CEP128: variants seen among roughly 807,000 people sequenced by gnomAD.
The protein encoded by CEP128 is centrosomal protein 128, also known as centrosomal protein 128kDa.
A neutral mutation model predicts 156.7 loss-of-function variants in CEP128; 132 were observed. That is an observed-to-expected ratio of 0.84 (90% CI 0.73 to 0.97). CEP128 has a LOEUF of 0.97. Among genes scored for constraint, CEP128 ranks in the 50% least tolerant of loss-of-function variants. CEP128 has a pLI of 0.00. For synonymous variants in CEP128, 469 were observed against 448.9 expected, an observed-to-expected ratio of 1.04 and a Z score of -0.57; for missense variants, 1,252 against 1,281.9, an observed-to-expected ratio of 0.98 and a Z score of 0.36.
chr14:80,929,963 T>C (rs1008883764), intron 2 of CEP128, among the ~76,000 whole-genome samples: 1 of 152,192 alleles, frequency 6.6e-6, no homozygotes, highest in African/African-American at 2.4e-5. Flanking sequence ...CAAAGTTTCA[T>C]CTGTATTTAC....
rs371474071 is a variant in CEP128, at chr14:80,722,990, C to A, written c.2806+20085G>T. ...TACAGGCACCCGCCACCACACCTGG[C>A]TAATTTTTTGTATTTTTAGTAGAGA... On this transcript the variant is annotated intron_variant, in intron 19 of 24. Coordinates refer to ENST00000555265, the MANE Select transcript of CEP128 (RefSeq NM_152446.5). 3.9e-5 allele frequency among the ~76,000 whole-genome samples: 6 copies of A among 152,096 alleles called. No individual in the cohort carries two copies. The East Asian group carries it at 5.8e-4, about 15-fold the overall frequency.
chr14:80,900,033 G>GGTTTT lies in CEP128; in HGVS notation c.481-5_481-4insAAAAC. On this transcript the variant is annotated splice_region_variant and splice_polypyrimidine_tract_variant and intron_variant, in intron 6 of 24. Coordinates refer to ENST00000555265, the MANE Select transcript of CEP128 (RefSeq NM_152446.5). ...GAGACTGATGAAAACCATGAAGCTA[G>GGTTTT]CAAAGGCAAAACACAGTTATCCATT... 6.3e-7 allele frequency: 1 copy of GGTTTT among 1,595,968 alleles called. No individual in the cohort carries two copies. The highest frequency in any genetic ancestry group is 8.6e-7 in the Non-Finnish European group (1 of 1,165,714).
chr14:80,801,940 T>C (rs1344333920), intron 13 of CEP128, among the ~76,000 whole-genome samples: 106 of 58,424 alleles, frequency 1.8e-3, no homozygotes, highest in Admixed American at 2.6e-3. Context: ...AAAAAAAAGC[T>C]CAACATCACT....
intron 16 of CEP128, among the ~76,000 whole-genome samples, chr14:80,763,672 GA>G (rs1900082693): frequency 1.3e-5 from 2 of 151,948 alleles, no homozygotes; most frequent in African/African-American, 2.4e-5. Context: ...ATTTGCTTGT[GA>G]ACCTATCTCC....
chr14:80,798,842 C>T (rs1883653803), intron 13 of CEP128, among the ~76,000 whole-genome samples: 1 of 152,198 alleles, frequency 6.6e-6, no homozygotes, highest in African/African-American at 2.4e-5. Context: ...TTTTCCTCTA[C>T]TCACACTTGA....
At chr14:80,809,132 A>T (rs2139931845) in intron 13 of CEP128, among the ~76,000 whole-genome samples, 1 of 152,322 alleles carries the variant, frequency 6.6e-6, no homozygotes, top group East Asian at 1.9e-4. Context: ...CAGAAAAACA[A>T]TTTGGGATAT....
chr14:80,627,126 C>T lies in CEP128; in HGVS notation c.2807-46703G>A, dbSNP rs999280307. 5.3e-5 allele frequency among the ~76,000 whole-genome samples: 8 copies of T among 152,234 alleles called. No homozygotes were observed. The East Asian group carries it at 5.8e-4, about 11-fold the overall frequency. ...CTGGGAAACTGGTAACAGAAAATGC[C>T]CTGATTTTTACAAGAAGCAATATCT... is the stretch of plus-strand genomic sequence containing the variant. On this transcript the variant is annotated intron_variant, in intron 19 of 24. Transcript: ENST00000555265.
Position 80,729,058 on chromosome 14 carries a change from GGTGTGTGT to G in CEP128, c.2806+14009_2806+14016del, listed in dbSNP as rs559470308. Among the ~76,000 whole-genome samples the G allele has an allele frequency of 8.8e-3, 928 of 104,964 alleles. 11 individuals are homozygous for G. The highest frequency in any genetic ancestry group is 0.012 in the Admixed American group (121 of 9,986). 68.9% of individuals were successfully genotyped at this position (104,964 alleles called of 152,430 possible). A position where few individuals can be genotyped will look rare whatever the true frequency, so the allele number is the denominator to read the frequency against. ...CCTAGTCCCAGGCTGGGCTGGTGGG[GGTGTGTGT>G]GTGTGTGTGTGTGTGTGTGTGTGTG... On this transcript the variant is annotated intron_variant, in intron 19 of 24. Coordinates refer to ENST00000555265, the MANE Select transcript of CEP128 (RefSeq NM_152446.5).
intron 21 of CEP128, among the ~76,000 whole-genome samples, chr14:80,557,953 A>T (rs1890506567): frequency 6.6e-6 from 1 of 152,098 alleles, no homozygotes; most frequent in Non-Finnish European, 1.5e-5. Context: ...CTCTTTATAT[A>T]TCTTTATATA....
intron 13 of CEP128, among the ~76,000 whole-genome samples, chr14:80,796,701 C>T (rs1048687272): frequency 6.6e-6 from 1 of 152,020 alleles, no homozygotes; most frequent in Non-Finnish European, 1.5e-5. Context: ...TACACAATAC[C>T]CTCGGTAGAT....
chr14:80,484,620 T>C (rs76648007), intron 14 of CEP128, among the ~76,000 whole-genome samples: 3,098 of 152,324 alleles, frequency 0.02, 44 homozygotes, highest in Non-Finnish European at 0.03. Context: ...TAGGCATCAG[T>C]TATCACCTTA....
intron 19 of CEP128, among the ~76,000 whole-genome samples, chr14:80,711,753 A>G (rs1258033985): frequency 6.6e-6 from 1 of 152,172 alleles, no homozygotes; most frequent in African/African-American, 2.4e-5. Context: ...GCTTGAAGAA[A>G]TGGATACCCC....
intron 19 of CEP128, among the ~76,000 whole-genome samples, chr14:80,643,291 G>T (rs183890008): frequency 6.6e-6 from 1 of 152,178 alleles, no homozygotes; most frequent in Admixed American, 6.5e-5. Flanking sequence ...CCAGTGAGGA[G>T]TACACAGCCC....
chr14:80,582,330 T>C (rs1015537317), intron 19 of CEP128, among the ~76,000 whole-genome samples: 1 of 152,180 alleles, frequency 6.6e-6, no homozygotes, highest in East Asian at 1.9e-4. Flanking sequence ...AGCAATGAGA[T>C]GCTATTTGAA....
chr14:80,842,292 A>G (rs1056835008), intron 9 of CEP128, among the ~76,000 whole-genome samples: 5 of 152,058 alleles, frequency 3.3e-5, no homozygotes, highest in Admixed American at 2.6e-4. Flanking sequence ...ATACTAAGGA[A>G]CAATCCAAAG....
intron 19 of CEP128, among the ~76,000 whole-genome samples, chr14:80,607,241 T>C (rs569909094): frequency 2.6e-5 from 4 of 152,192 alleles, no homozygotes; most frequent in African/African-American, 9.6e-5. Context: ...AATAAGTATG[T>C]ACTCTAAATA....
rs146536482 is a variant in CEP128 at position 80,628,058 on chromosome 14, A to G, written c.2807-47635T>C. ...AGTAAGCGTACTAGTGAAAAAGCTT[A>G]AATTGCAAGAACAGAAAATTCAGAG... On this transcript the variant is annotated intron_variant, in intron 19 of 24. Transcript: ENST00000555265. Among the ~76,000 whole-genome samples the G allele has an allele frequency of 2.7e-4, 41 of 152,326 alleles. No homozygotes were observed. The East Asian group carries it at 7.9e-3, about 29-fold the overall frequency.
chr14:80,618,363 C>A (rs937404748), intron 19 of CEP128, among the ~76,000 whole-genome samples: 1 of 152,170 alleles, frequency 6.6e-6, no homozygotes, highest in African/African-American at 2.4e-5. Flanking sequence ...TGTACATTCA[C>A]CATTCAAGAT....
intron 7 of CEP128, among the ~76,000 whole-genome samples, chr14:80,898,056 G>A (rs2139408223): frequency 6.6e-6 from 1 of 152,270 alleles, no homozygotes; most frequent in Admixed American, 6.5e-5. Context: ...TTGGGATTAT[G>A]GGCCTGAGCC....
Sources: allele counts gnomAD v4.1 joint callset (sites outside exome capture counted in the v4.1 genomes callset), GRCh38; gene constraint gnomAD v4.1.1; transcripts MANE v1.5; gene names NCBI Gene and HGNC (gene_info 2026-07-23, HGNC 2026-07-21).